Variants in HYAL4 observed in about 807,000 individuals in gnomAD.
The protein encoded by HYAL4 is hyaluronidase 4, also known as hyaluronidase-4.
HYAL4 carries 37 observed loss-of-function variants against 35.2 expected under a neutral mutation model. The ratio of observed to expected loss-of-function variants is 1.05; its 90% CI spans 0.81 to 1.38. The LOEUF (loss-of-function observed/expected upper bound fraction) is 1.38, where lower values mean the gene tolerates loss of function less well. Ranked by LOEUF, HYAL4 falls within the 40% of genes most tolerant of loss-of-function variation. The pLI is 0.00. For missense variants in HYAL4, 572 were observed against 572.4 expected, an observed-to-expected ratio of 1.00 and a Z score of 0.01; for synonymous variants, 198 against 203.2, an observed-to-expected ratio of 0.97 and a Z score of 0.22.
chr7:123,849,845 C>T (rs1054516868), intron 2 of HYAL4, among the ~76,000 whole-genome samples: 1 of 150,448 alleles, frequency 6.6e-6, no homozygotes, highest in Non-Finnish European at 1.5e-5. Context: ...CCAGCCTGAA[C>T]GATGGAGCCA....
intron 2 of HYAL4, among the ~76,000 whole-genome samples, chr7:123,851,499 T>C (rs1056286753): frequency 1.3e-5 from 2 of 152,168 alleles, no homozygotes. Flanking sequence ...GGTGTTTGGT[T>C]TTCTCTTCCT....
the HYAL4 span, among the ~76,000 whole-genome samples, chr7:123,766,137 C>T: frequency 6.6e-6 from 1 of 152,108 alleles, no homozygotes; most frequent in Non-Finnish European, 1.5e-5. Flanking sequence ...GCCTACTACA[C>T]TTGGATTTCT....
At chr7:123,767,497 T>C in the HYAL4 span, among the ~76,000 whole-genome samples, 1 of 152,192 alleles carries the variant, frequency 6.6e-6, no homozygotes, top group Admixed American at 6.5e-5. Flanking sequence ...ACAGACTCCA[T>C]GTGCTGGCTC....
At chr7:123,874,713 A>T in intron 3 of HYAL4, 48 bp from the exon 4 acceptor site, 2 of 1,184,086 alleles carry the variant, frequency 1.7e-6, no homozygotes, top group Non-Finnish European at 2.5e-6. Flanking sequence ...CCCCTGGTGG[A>T]TTGTTTTACA....
the HYAL4 span, among the ~76,000 whole-genome samples, chr7:123,822,013 T>C: frequency 6.6e-6 from 1 of 152,238 alleles, no homozygotes; most frequent in African/African-American, 2.4e-5. Flanking sequence ...TATATCTTCC[T>C]TTATACCAGA....
intron 1 of HYAL4, among the ~76,000 whole-genome samples, chr7:123,838,125 A>G (rs374388125): frequency 6.6e-6 from 1 of 152,162 alleles, no homozygotes; most frequent in African/African-American, 2.4e-5. Flanking sequence ...ACTAGTTTAC[A>G]GTCCCGCCAA....
the HYAL4 span, among the ~76,000 whole-genome samples, chr7:123,806,748 G>C: frequency 3.3e-5 from 5 of 151,890 alleles, no homozygotes; most frequent in African/African-American, 1.2e-4. Flanking sequence ...CACCACGCCC[G>C]GCCCTTGCTT....
chr7:123,800,679 C>A, the HYAL4 span, among the ~76,000 whole-genome samples: 1 of 149,382 alleles, frequency 6.7e-6, no homozygotes, highest in African/African-American at 2.5e-5. Context: ...TGTTTTTAGA[C>A]GCAGTCTAGC....
the HYAL4 span, among the ~76,000 whole-genome samples, chr7:123,810,342 G>A: frequency 4.6e-5 from 7 of 151,862 alleles, no homozygotes; most frequent in Non-Finnish European, 8.8e-5. Context: ...AAAAAAACCC[G>A]TGTTACTTCA....
At chr7:123,856,434 C>T (rs1183476517) in intron 2 of HYAL4, among the ~76,000 whole-genome samples, 2 of 152,092 alleles carry the variant, frequency 1.3e-5, no homozygotes, top group Non-Finnish European at 2.9e-5. Context: ...TTTAGTTTTC[C>T]TTCTAACAGT....
At chr7:123,809,248 A>G in the HYAL4 span, among the ~76,000 whole-genome samples, 1 of 152,118 alleles carries the variant, frequency 6.6e-6, no homozygotes, top group Non-Finnish European at 1.5e-5. Context: ...TAAAATCTCC[A>G]ATCAAGAGAA....
the HYAL4 span, among the ~76,000 whole-genome samples, chr7:123,791,109 T>C: frequency 6.6e-6 from 1 of 152,204 alleles, no homozygotes; most frequent in South Asian, 2.1e-4. Flanking sequence ...TTCTGCTATA[T>C]ATTCTGTTTA....
At chr7:123,808,498 A>AGTAGGTTCTGCCAT in the HYAL4 span, among the ~76,000 whole-genome samples, 1 of 151,082 alleles carries the variant, frequency 6.6e-6, no homozygotes, top group East Asian at 2.0e-4. Flanking sequence ...GTAGGTTCAC[A>AGTAGGTTCTGCCAT]TTTCAGTGGC....
At chr7:123,797,729 G>T in the HYAL4 span, among the ~76,000 whole-genome samples, 1 of 152,116 alleles carries the variant, frequency 6.6e-6, no homozygotes, top group Non-Finnish European at 1.5e-5. Flanking sequence ...ATAGTCTCAG[G>T]TTATAAGTAA....
the HYAL4 span, among the ~76,000 whole-genome samples, chr7:123,796,611 G>A: frequency 3.3e-5 from 5 of 152,188 alleles, no homozygotes; most frequent in Admixed American, 6.5e-5. Flanking sequence ...AAGTGAAAAC[G>A]TGTCCACATA....
the HYAL4 span, among the ~76,000 whole-genome samples, chr7:123,822,799 AG>A: frequency 1.3e-5 from 2 of 152,066 alleles, no homozygotes; most frequent in Non-Finnish European, 2.9e-5. Flanking sequence ...TCTCTACAAA[AG>A]GTAAAAAAGA....
the HYAL4 span, among the ~76,000 whole-genome samples, chr7:123,811,031 T>G: frequency 6.6e-6 from 1 of 152,228 alleles, no homozygotes; most frequent in African/African-American, 2.4e-5. Context: ...TCATTTCTTC[T>G]TAGCACTGAA....
chr7:123,808,418 CGTGTGTGTGTGTGTGT>C, the HYAL4 span, among the ~76,000 whole-genome samples: 213 of 142,678 alleles, frequency 1.5e-3, no homozygotes, highest in Non-Finnish European at 1.8e-3. Flanking sequence ...TGTATCATCA[CGTGTGTGTGTGTGTGT>C]GTGTGTGTGT....
chr7:123,833,014 G>T (rs557143929), intron 1 of HYAL4, among the ~76,000 whole-genome samples: 1 of 152,132 alleles, frequency 6.6e-6, no homozygotes, highest in Non-Finnish European at 1.5e-5. Flanking sequence ...GGGCTTTTGG[G>T]TTGGTTCCAC....
Sources: allele counts gnomAD v4.1 joint callset (sites outside exome capture counted in the v4.1 genomes callset), GRCh38; gene constraint gnomAD v4.1.1; transcripts MANE v1.5; gene names NCBI Gene and HGNC (gene_info 2026-07-23, HGNC 2026-07-21).